DNAH5: variants seen among roughly 807,000 people sequenced by gnomAD.
DNAH5 encodes the protein dynein axonemal heavy chain 5.
A neutral mutation model predicts 518.2 loss-of-function variants in DNAH5; 372 were observed. That is an observed-to-expected ratio of 0.72 (90% CI 0.66 to 0.78). The LOEUF is 0.78. DNAH5 is among the 30% of genes least tolerant of loss of function. DNAH5 has a pLI of 0.00. For synonymous variants in DNAH5, 2,039 were observed against 2,025.9 expected (o/e 1.01, Z -0.17); for missense variants, 5,523 against 5,687.0 (o/e 0.97, Z 0.93).
chr5:13,915,083 G>A (rs1239681198), intron 9 of DNAH5, among the ~76,000 whole-genome samples: 1 of 152,086 alleles, frequency 6.6e-6, no homozygotes, highest in Non-Finnish European at 1.5e-5. Flanking sequence ...AGGCCGCAGA[G>A]AGAAGGAAAA....
intron 4 of DNAH5, among the ~76,000 whole-genome samples, chr5:13,922,783 C>T (rs1388497472): frequency 6.8e-6 from 1 of 147,978 alleles, no homozygotes; most frequent in Non-Finnish European, 1.5e-5. Context: ...ATAAGCTTTA[C>T]ACTATTCTAA....
intron 29 of DNAH5, among the ~76,000 whole-genome samples, chr5:13,862,258 A>C (rs1768561650): frequency 6.6e-6 from 1 of 152,178 alleles, no homozygotes; most frequent in African/African-American, 2.4e-5. Flanking sequence ...CCCCACAAAT[A>C]GAGGATAATG....
chr5:13,841,918 C>G lies in DNAH5; in HGVS notation c.5272-14G>C. The G allele has an allele frequency of 1.7e-6, 1 of 591,134 alleles. No homozygotes were observed. Among genetic ancestry groups the G allele is most frequent in the Admixed American group, 3.6e-5 (1 of 27,734 alleles). 36.6% of individuals were successfully genotyped at this position (591,134 alleles called of 1,614,324 possible). On this transcript the variant is annotated splice_polypyrimidine_tract_variant and intron_variant, in intron 32 of 78. Coordinates refer to ENST00000265104, the MANE Select transcript of DNAH5 (RefSeq NM_001369.3). ...TCGATCATAGATCTATGTTAGAAAC[C>G]AAAAAAAAAAAAAAAAAAAGCTATA...
chr5:13,811,297 T>A (rs886172441), intron 44 of DNAH5, among the ~76,000 whole-genome samples: 4 of 152,232 alleles, frequency 2.6e-5, no homozygotes, highest in Non-Finnish European at 4.4e-5. Context: ...AAATATCTCA[T>A]GTACCCCATA....
intron 74 of DNAH5, 115 bp downstream of exon 74, chr5:13,716,372 G>A: frequency 1.3e-6 from 1 of 756,102 alleles, no homozygotes; most frequent in Non-Finnish European, 2.3e-6. Context: ...AAAAGCATTA[G>A]TATATATCAC....
At chr5:13,916,911 T>A (rs1776707464) in intron 8 of DNAH5, among the ~76,000 whole-genome samples, 1 of 152,182 alleles carries the variant, frequency 6.6e-6, no homozygotes, top group African/African-American at 2.4e-5. Flanking sequence ...ATATAACATC[T>A]CATATACATC....
chr5:13,694,339 G>A (rs534742602), intron 78 of DNAH5, among the ~76,000 whole-genome samples: 10 of 152,336 alleles, frequency 6.6e-5, no homozygotes, highest in African/African-American at 2.4e-4. Context: ...TTCTGCGGCA[G>A]GATTAGAAGC....
intron 3 of DNAH5, among the ~76,000 whole-genome samples, chr5:13,924,576 G>A (rs1777652081): frequency 6.6e-6 from 1 of 151,908 alleles, no homozygotes; most frequent in South Asian, 2.1e-4. Context: ...TCAGGAGGCT[G>A]AGGCAGGAGA....
intron 1 of DNAH5, among the ~76,000 whole-genome samples, chr5:13,967,172 T>C (rs976680426): frequency 8.5e-5 from 13 of 152,262 alleles, no homozygotes; most frequent in African/African-American, 3.1e-4. Context: ...TAGAAGCTTT[T>C]TGGTTTAATT....
At chr5:13,866,412 A>T (rs1230604417) in intron 25 of DNAH5, 130 bp from the exon 26 acceptor site, 7 of 783,038 alleles carry the variant, frequency 8.9e-6, no homozygotes, top group South Asian at 1.8e-5. Context: ...TTTGTTAGAA[A>T]AAAAGGGCCT....
In DNAH5 at chr5:13,811,732, T is replaced by C. The variant is rs752323925; in HGVS notation, c.7322A>G (p.Gln2441Arg). ...SFPDLYRFCI[Q>R]NLEYKMEVLE... ...CACCTCCATCTTGTATTCTAAGTTC[T>C]GGATACAGAAGCGATACAAGTCTGG... is the stretch of plus-strand genomic sequence containing the variant. The change falls in exon 44 of 79, where the codon CAG (glutamine) becomes CGG (arginine). Residue 2441 changes from glutamine to arginine, a missense_variant. Gln to Arg is a conservative substitution (Grantham distance 43). Around this residue, in one of 3 missense-constraint regions of DNAH5, gnomAD observed 5,121 missense variants for 5,223.3 expected, o/e 0.98. Coordinates refer to ENST00000265104, the MANE Select transcript of DNAH5 (RefSeq NM_001369.3). 1 of 1,614,188 alleles carries C rather than the reference T, an allele frequency of 6.2e-7. No individual in the cohort carries two copies. The highest frequency in any genetic ancestry group is 1.1e-5 in the South Asian group (1 of 91,086).
In DNAH5 at chr5:13,859,492, G is replaced by A. The variant is rs761347843; in HGVS notation, c.4910C>T (p.Ala1637Val). 6.2e-7 allele frequency: 1 copy of A among 1,614,082 alleles called. No homozygotes were observed. The highest frequency in any genetic ancestry group is 2.2e-5 in the East Asian group (1 of 44,862). ...TVQNLWIYLE[A>V]VFVGGDIAKQ... Reference sequence around the variant, plus strand: ...GGCAATGTCTCCTCCCACAAAGACAGCTTCTAAATAAATCCACAGGTTTTG... The same window carrying A: ...GGCAATGTCTCCTCCCACAAAGACAACTTCTAAATAAATCCACAGGTTTTG... The change falls in exon 30 of 79, where the codon GCT becomes GTT. Residue 1637 changes from alanine (A) to valine (V), a missense_variant. Physicochemically the swap from Ala to Val is moderately conservative, Grantham distance 64. Coordinates refer to ENST00000265104, the MANE Select transcript of DNAH5 (RefSeq NM_001369.3).
intron 12 of DNAH5, among the ~76,000 whole-genome samples, chr5:13,903,455 T>C (rs1265577149): frequency 3.3e-5 from 5 of 151,818 alleles, no homozygotes; most frequent in Non-Finnish European, 5.9e-5. Flanking sequence ...AAAGACTTAG[T>C]CCTCAAATGG....
At chr5:13,873,943 C>T (rs1417041835) in intron 22 of DNAH5, among the ~76,000 whole-genome samples, 2 of 152,120 alleles carry the variant, frequency 1.3e-5, no homozygotes, top group Admixed American at 6.5e-5. Flanking sequence ...AATAACTGAG[C>T]ATTACAGGAT....
intron 51 of DNAH5, among the ~76,000 whole-genome samples, chr5:13,787,148 G>A (rs1466143661): frequency 6.6e-6 from 1 of 151,476 alleles, no homozygotes; most frequent in African/African-American, 2.4e-5. Flanking sequence ...AGGAGGCCGA[G>A]GTTGCCATAA....
intron 68 of DNAH5, among the ~76,000 whole-genome samples, chr5:13,733,718 CAT>C (rs1445223012): frequency 6.6e-6 from 1 of 152,062 alleles, no homozygotes; most frequent in East Asian, 1.9e-4. Context: ...TACACACACA[CAT>C]ATGCATATGT....
chr5:13,840,886 A>G lies in DNAH5; in HGVS notation c.5709+20T>C. The stretch of plus-strand genomic sequence containing the variant: ...GAATTTGTTTTTCTCTACATGCCAC[A>G]GCATTTATAAAGAATTTACCAGGTC... On this transcript the variant is annotated intron_variant, in intron 34 of 78. Coordinates refer to ENST00000265104, the MANE Select transcript of DNAH5 (RefSeq NM_001369.3). 1 of 1,602,424 alleles carries G rather than the reference A, an allele frequency of 6.2e-7. No homozygotes were observed. The highest frequency in any genetic ancestry group is 8.6e-7 in the Non-Finnish European group (1 of 1,169,448).
Position 13,876,815 on chromosome 5 carries a change from T to C in DNAH5, c.3265A>G (p.Thr1089Ala). ...AAATTTACAGATGCTATCTCCAAGG[T>C]ATCTAAAAAGAAAAAAAGAAGAGAA... ...VEMGENELQD[T>A]LEIASVNLPI... is the part of the protein sequence containing the mutation. The change falls in exon 22 of 79, where the codon ACC becomes GCC. Residue 1089 changes from threonine (T) to alanine (A), a missense_variant and splice_region_variant. Thr to Ala is a moderately conservative substitution (Grantham distance 58). Transcript: ENST00000265104. 1 of 1,613,372 alleles carries C rather than the reference T, an allele frequency of 6.2e-7. No homozygotes were observed. The highest frequency in any genetic ancestry group is 8.5e-7 in the Non-Finnish European group (1 of 1,179,616).
intron 1 of DNAH5, among the ~76,000 whole-genome samples, chr5:13,957,109 T>G (rs1057369873): frequency 6.6e-6 from 1 of 152,206 alleles, no homozygotes; most frequent in African/African-American, 2.4e-5. Flanking sequence ...CTATAAAACC[T>G]TATGTTCAGA....
Sources: allele counts gnomAD v4.1 joint callset (sites outside exome capture counted in the v4.1 genomes callset), GRCh38; gene constraint gnomAD v4.1.1; regional missense constraint gnomAD v4.1.1; transcripts MANE v1.5; gene names NCBI Gene and HGNC (gene_info 2026-07-23, HGNC 2026-07-21).